FCGR1A: variants seen among roughly 807,000 people sequenced by gnomAD.
FCGR1A encodes the protein high affinity immunoglobulin gamma Fc receptor I.
Under a neutral mutation model 35.0 loss-of-function variants are expected in FCGR1A, and 13 were observed. That is an observed-to-expected ratio of 0.37 (90% CI 0.24 to 0.59). The LOEUF is 0.59. Ranked by LOEUF, FCGR1A falls within the 20% of genes least tolerant of loss-of-function variation. FCGR1A has a pLI of 0.71. For missense variants in FCGR1A, 227 were observed against 430.0 expected, an observed-to-expected ratio of 0.53 and a Z score of 4.17; for synonymous variants, 91 against 164.7, an observed-to-expected ratio of 0.55 and a Z score of 3.43.
chr1:149,791,392 GAGA>G lies in FCGR1A; in HGVS notation c.1006_1008del (p.Lys336del). 1 of 1,593,116 alleles carries G rather than the reference GAGA, an allele frequency of 6.3e-7. No individual in the cohort carries two copies. The highest frequency in any genetic ancestry group is 1.1e-5 in the South Asian group (1 of 89,872). ...AGAAATCTCTTTGGATTCTGGTCAT[GAGA>G]AGAAGGTAATTTCCAGCCTTCAAGA... On this transcript the variant is annotated inframe_deletion, in exon 6 of 6. Transcript: ENST00000369168.
chr1:149,790,032 C>T (rs827372), intron 4 of FCGR1A, 22 bp from the exon 5 acceptor site: 2 of 1,611,704 alleles, frequency 1.2e-6, no homozygotes, highest in Non-Finnish European at 1.7e-6. Context: ...GCAACCTTGT[C>T]CCCCATCAAC....
At chr1:149,795,888 T>A (rs2091795010), downstream of FCGR1A, among the ~76,000 whole-genome samples, 1 of 151,436 alleles carries the variant, frequency 6.6e-6, no homozygotes, top group Non-Finnish European at 1.5e-5. Flanking sequence ...TTCCTCAGTT[T>A]ACCACAACAT....
downstream of FCGR1A, chr1:149,793,277 A>G (rs1240022055): frequency 8.2e-7 from 1 of 1,212,336 alleles, no homozygotes; most frequent in African/African-American, 1.7e-5. Context: ...GGAGTGGGAG[A>G]GGCCGCCCGC....
downstream of FCGR1A, chr1:149,792,703 T>C (rs1571401801): frequency 7.8e-7 from 1 of 1,283,032 alleles, no homozygotes; most frequent in East Asian, 5.6e-5. Context: ...CGGCGAAAGC[T>C]GTTGGGCGCG....
chr1:149,799,357 T>C, the FCGR1A span, among the ~76,000 whole-genome samples: 1 of 152,264 alleles, frequency 6.6e-6, no homozygotes, highest in Non-Finnish European at 1.5e-5. Flanking sequence ...TTTAGAAATT[T>C]CTCTTTGTTC....
the FCGR1A span, among the ~76,000 whole-genome samples, chr1:149,800,443 C>T: frequency 6.8e-6 from 1 of 147,606 alleles, no homozygotes; most frequent in South Asian, 2.3e-4. Flanking sequence ...TAATCCTCCC[C>T]TTGTTCTTTC....
intron 3 of FCGR1A, among the ~76,000 whole-genome samples, chr1:149,785,403 G>C (rs1368718431): frequency 3.5e-5 from 3 of 86,540 alleles, no homozygotes; most frequent in African/African-American, 8.7e-5. Context: ...TGACAGAGCT[G>C]TTTCGTTTTT....
chr1:149,796,037 CTTT>C (rs1241526669), downstream of FCGR1A, among the ~76,000 whole-genome samples: 10 of 151,784 alleles, frequency 6.6e-5, no homozygotes, highest in African/African-American at 2.4e-4. Context: ...GTACAGACTT[CTTT>C]GTTAATGCAC....
the FCGR1A span, among the ~76,000 whole-genome samples, chr1:149,797,322 G>C: frequency 6.6e-6 from 1 of 151,468 alleles, no homozygotes. Flanking sequence ...CTCAACTTTG[G>C]TAATTTGTAT....
At chr1:149,793,498 G>A (rs1407109147), downstream of FCGR1A, among the ~76,000 whole-genome samples, 2 of 152,180 alleles carry the variant, frequency 1.3e-5, no homozygotes, top group African/African-American at 4.8e-5. Flanking sequence ...GACTGACAAT[G>A]AGGCCCTGGA....
At chr1:149,784,278 G>A in intron 3 of FCGR1A, 21 bp downstream of exon 3, 1 of 1,609,658 alleles carries the variant, frequency 6.2e-7, no homozygotes, top group East Asian at 2.2e-5. Context: ...CTTGGACCAG[G>A]AGGGCCGGAA....
rs781994385 is a variant in FCGR1A at position 149,790,198 on chromosome 1, C to T, written c.704C>T (p.Thr235Ile). 1.2e-6 allele frequency: 2 copies of T among 1,613,832 alleles called. No individual in the cohort carries two copies. The highest frequency in any genetic ancestry group is 1.1e-5 in the South Asian group (1 of 91,028). Residue 235 changes from threonine (T) to isoleucine (I), a missense_variant, in exon 5 of 6, where the codon ACC becomes ATC. By Grantham distance (89) the Thr-to-Ile change is moderately conservative (BLOSUM62 -1). This residue lies in a region of FCGR1A where 185 missense variants were observed against 306.6 expected (regional missense o/e 0.60). Transcript: ENST00000369168. ...LYFSFYMGSK[T>I]LRGRNTSSEY... ...TTCTCCTTCTACATGGGCAGCAAGA[C>T]CCTGCGAGGCAGGAACACATCCTCT...
At chr1:149,800,334 G>A in the FCGR1A span, among the ~76,000 whole-genome samples, 8,577 of 152,164 alleles carry the variant, frequency 0.056, 344 homozygotes, top group Non-Finnish European at 0.09. Flanking sequence ...CCATTGCATA[G>A]GAATCACTGA....
chr1:149,800,482 CT>C, the FCGR1A span, among the ~76,000 whole-genome samples: 1 of 144,232 alleles, frequency 6.9e-6, no homozygotes, highest in Admixed American at 7.0e-5. Context: ...CTGAAGCTAC[CT>C]AGGGGCTGCC....
chr1:149,789,540 T>A (rs2664828), intron 4 of FCGR1A, among the ~76,000 whole-genome samples: 1 of 152,168 alleles, frequency 6.6e-6, no homozygotes, highest in African/African-American at 2.4e-5. Context: ...AGGATGGACC[T>A]TGTAGAGCAG....
chr1:149,792,866 C>T (rs2091746614), downstream of FCGR1A: 1 of 1,254,250 alleles, frequency 8.0e-7, no homozygotes, highest in Non-Finnish European at 1.0e-6. Flanking sequence ...GTTCGTGTCC[C>T]ATTCGCCCGA....
At chr1:149,799,675 T>C in the FCGR1A span, among the ~76,000 whole-genome samples, 12 of 152,218 alleles carry the variant, frequency 7.9e-5, no homozygotes, top group Non-Finnish European at 1.0e-4. Context: ...CCTCTCTAAC[T>C]CCTCATCCTG....
chr1:149,795,271 T>TAAAC (rs1303569931), downstream of FCGR1A, among the ~76,000 whole-genome samples: 1 of 140,786 alleles, frequency 7.1e-6, no homozygotes, highest in African/African-American at 2.8e-5. Context: ...AATAAATAAA[T>TAAAC]AAATAAATAA....
downstream of FCGR1A, chr1:149,794,086 G>A (rs1397606391): frequency 7.8e-6 from 4 of 514,432 alleles, no homozygotes; most frequent in East Asian, 2.7e-4. Flanking sequence ...AGATTCCTCG[G>A]GCTGTAGAGA....
Sources: allele counts gnomAD v4.1 joint callset (sites outside exome capture counted in the v4.1 genomes callset), GRCh38; gene constraint gnomAD v4.1.1; regional missense constraint gnomAD v4.1.1; transcripts MANE v1.5; gene names NCBI Gene and HGNC (gene_info 2026-07-23, HGNC 2026-07-21).